Variants in THOP1 observed in about 807,000 individuals in gnomAD.
THOP1 encodes the protein thimet oligopeptidase.
THOP1 carries 49 observed loss-of-function variants against 71.8 expected under a neutral mutation model. The ratio of observed to expected loss-of-function variants is 0.68; its 90% CI spans 0.54 to 0.87. The LOEUF (loss-of-function observed/expected upper bound fraction) is 0.87. THOP1 is among the 40% of genes least tolerant of loss of function. The pLI is 0.00. For synonymous variants in THOP1, 426 were observed against 421.5 expected (o/e 1.01, Z -0.13); for missense variants, 843 against 975.6 (o/e 0.86, Z 1.81).
Position 2,785,675 on chromosome 19 carries a change from G to C in THOP1, c.13G>C (p.Ala5Pro). ...AGACCCACCCGCCATGAAGCCCCCC[G>C]CAGGTACCGACTACCCCGCTCGCCG... MKPP[A>P]ACAGDMADAA... Residue 5 changes from alanine (A) to proline (P), a missense_variant, in exon 1 of 13, where the codon GCA (alanine) becomes CCA (proline). Physicochemically the swap from Ala to Pro is conservative, Grantham distance 27. Transcript: ENST00000307741. The C allele has an allele frequency of 2.0e-6, 3 of 1,492,504 alleles. No individual in the cohort carries two copies. Among genetic ancestry groups the C allele is most frequent in the South Asian group, 1.3e-5 (1 of 76,008 alleles). The allele number at this position is 1,492,504 out of a possible 1,614,324, so 92.5% of individuals were successfully genotyped here. A position where few individuals can be genotyped will look rare whatever the true frequency, so the allele number is the denominator to read the frequency against.
intron 5 of THOP1, among the ~76,000 whole-genome samples, chr19:2,803,838 A>T (rs1916218068): frequency 6.6e-6 from 1 of 151,524 alleles, no homozygotes; most frequent in South Asian, 2.1e-4. Context: ...AATTTCCCCC[A>T]TCTGCCTCTG....
rs376107055 is a variant in THOP1 at position 2,809,058 on chromosome 19, GCTC to G, written c.1455+618_1455+620del. On this transcript the variant is annotated intron_variant, in intron 9 of 12. Coordinates refer to ENST00000307741, the MANE Select transcript of THOP1 (RefSeq NM_003249.5). The stretch of plus-strand genomic sequence containing the variant: ...CTGTCCTAGCACACAGTCAGCAATC[GCTC>G]CTCAGAAAGGCTCTGTCCTATGAAG... Among the ~76,000 whole-genome samples, 515 of 152,310 alleles carry G rather than the reference GCTC, an allele frequency of 3.4e-3. 2 individuals carry two copies. The highest frequency in any genetic ancestry group is 0.011 in the African/African-American group (477 of 41,576).
Position 2,813,083 on chromosome 19 carries a change from CA to C in THOP1, c.1909-31del, listed in dbSNP as rs371617470. 132 of 1,583,964 alleles carry C rather than the reference CA, an allele frequency of 8.3e-5. No individual in the cohort carries two copies. In the East Asian group the frequency reaches 1.5e-3, roughly 18 times the overall value. Reference sequence around the variant, plus strand: ...TCCTCTGCCTTCCTCCCTGGGTCCCCACCCGGCCACAGTGCCCTGTCTCCTC... The same window carrying C: ...TCCTCTGCCTTCCTCCCTGGGTCCCCCCCGGCCACAGTGCCCTGTCTCCTC... On this transcript the variant is annotated intron_variant, in intron 12 of 12. Coordinates refer to ENST00000307741, the MANE Select transcript of THOP1 (RefSeq NM_003249.5).
At position 2,813,272 on chromosome 19, in the gene THOP1, G is replaced by T. The variant is rs953847038; in HGVS notation, c.2066G>T (p.Cys689Phe). The T allele has an allele frequency of 1.2e-6, 2 of 1,608,398 alleles. No homozygotes were observed. The highest frequency in any genetic ancestry group is 2.7e-5 in the African/African-American group (2 of 74,858). ...VGGCEPEPQV[C>F] Reference sequence around the variant, plus strand: ...GGCTGCGAGCCCGAGCCGCAGGTCTGCTGAGGCCTGGCACTGCGACTGCCC... The same window carrying T: ...GGCTGCGAGCCCGAGCCGCAGGTCTTCTGAGGCCTGGCACTGCGACTGCCC... The change falls in exon 13 of 13, where the codon TGC (cysteine) becomes TTC (phenylalanine). Residue 689 changes from cysteine (C) to phenylalanine (F), a missense_variant. Cys to Phe is a radical substitution (Grantham distance 205). Transcript: ENST00000307741.
At chr19:2,789,340 G>A (rs1373429173) in intron 1 of THOP1, among the ~76,000 whole-genome samples, 1 of 152,208 alleles carries the variant, frequency 6.6e-6, no homozygotes. Context: ...GAGCCGCACT[G>A]ACTTCACATA....
chr19:2,796,274 A>G (rs1916011259), intron 4 of THOP1, 86 bp downstream of exon 4: 5 of 1,094,640 alleles, frequency 4.6e-6, no homozygotes, highest in South Asian at 4.2e-5. Context: ...AGTCCCAGGG[A>G]GTGGTGGGAG....
chr19:2,807,311 G>C, intron 7 of THOP1, 131 bp from the exon 8 acceptor site: 1 of 1,393,002 alleles, frequency 7.2e-7, no homozygotes, highest in East Asian at 2.5e-5. Context: ...GGCCCCTCGA[G>C]GGGTTGCCGG....
At chr19:2,793,833 A>G (rs1915944417) in intron 2 of THOP1, among the ~76,000 whole-genome samples, 1 of 152,112 alleles carries the variant, frequency 6.6e-6, no homozygotes. Flanking sequence ...TCCACTGGGC[A>G]GAGGCCACAT....
chr19:2,791,824 C>T (rs1326277263), intron 2 of THOP1, among the ~76,000 whole-genome samples: 1 of 152,220 alleles, frequency 6.6e-6, no homozygotes, highest in Non-Finnish European at 1.5e-5. Context: ...GGCCCCAGTG[C>T]TCCCCTCGGG....
At position 2,793,684 on chromosome 19, in the gene THOP1, C is replaced by T. The variant is rs115297728; in HGVS notation, c.230-1080C>T. 4.6e-3 allele frequency among the ~76,000 whole-genome samples: 697 copies of T among 152,140 alleles called. 12 individuals are homozygous for T. Among genetic ancestry groups the T allele is most frequent in the African/African-American group, 0.016 (667 of 41,496 alleles). ...CAGCTTGGGCAACAGAGTGACACTT[C>T]GTCTCAAAAAAAAACAAATGGCATC... On this transcript the variant is annotated intron_variant, in intron 2 of 12. Transcript: ENST00000307741.
In THOP1 at chr19:2,808,278, T is replaced by G; in HGVS notation, c.1289T>G (p.Leu430Arg). ...GKYGHAACFG[L>R]QPGCLRQDGS... ...TACGGGCACGCGGCCTGCTTTGGCCTGCAGCCCGGCTGCCTGCGGCAGGAT... is the reference window on the plus strand; with the variant it reads ...TACGGGCACGCGGCCTGCTTTGGCCGGCAGCCCGGCTGCCTGCGGCAGGAT... Residue 430 changes from leucine (L) to arginine (R), a missense_variant, in exon 9 of 13, where the codon CTG becomes CGG. Physicochemically the swap from Leu to Arg is moderately radical, Grantham distance 102. Coordinates refer to ENST00000307741, the MANE Select transcript of THOP1 (RefSeq NM_003249.5). 1.3e-6 allele frequency: 2 copies of G among 1,559,080 alleles called. No individual in the cohort carries two copies. Among genetic ancestry groups the G allele is most frequent in the Non-Finnish European group, 1.7e-6 (2 of 1,151,508 alleles).
Position 2,813,441 on chromosome 19 carries a change from C to A in THOP1, c.*165C>A. On this transcript the variant is annotated 3_prime_UTR_variant, in exon 13 of 13. Transcript: ENST00000307741. ...TGTCTGTCCCCACCCGGTCGTGGCC[C>A]ACCCGGCTAGAGACGGCGTCCTCAA... is the stretch of plus-strand genomic sequence containing the variant. 1 of 918,542 alleles carries A rather than the reference C, an allele frequency of 1.1e-6. No individual in the cohort carries two copies. Among genetic ancestry groups the A allele is most frequent in the Non-Finnish European group, 1.6e-6 (1 of 637,166 alleles). The allele number at this position is 918,542 out of a possible 1,614,324, so 56.9% of individuals were successfully genotyped here.
intron 7 of THOP1, 68 bp from the exon 8 acceptor site, chr19:2,807,364 CGCGGCCGCGG>C: frequency 1.4e-6 from 2 of 1,476,994 alleles, no homozygotes; most frequent in East Asian, 4.7e-5. Flanking sequence ...CTGACGAAGT[CGCGGCCGCGG>C]GCGGGCGAGC....
At chr19:2,811,993 G>T (rs374456543) in intron 12 of THOP1, 2 of 1,029,100 alleles carry the variant, frequency 1.9e-6, no homozygotes, top group Non-Finnish European at 2.7e-6. Flanking sequence ...GTCTTGGTGC[G>T]GTGCTGCCCA....
rs144495373 is a variant in THOP1, at chr19:2,798,907, T to C, written c.487-782T>C. ...AAGCCAGGTCCTTGTCACATAGTGGTCACCTCCCAGCCTTCAAGGCCACCA... is the reference window on the plus strand; with the variant it reads ...AAGCCAGGTCCTTGTCACATAGTGGCCACCTCCCAGCCTTCAAGGCCACCA... On this transcript the variant is annotated intron_variant, in intron 4 of 12. Transcript: ENST00000307741. Among the ~76,000 whole-genome samples, 6 of 152,354 alleles carry C rather than the reference T, an allele frequency of 3.9e-5. No homozygotes were observed. In the East Asian group the frequency reaches 1.2e-3, roughly 29 times the overall value.
chr19:2,796,218 G>A (rs559551026), intron 4 of THOP1, 30 bp downstream of exon 4: 19 of 1,551,030 alleles, frequency 1.2e-5, no homozygotes, highest in East Asian at 2.3e-5. Flanking sequence ...AGTGCTGGGC[G>A]TGGGCAATGG....
intron 4 of THOP1, among the ~76,000 whole-genome samples, chr19:2,797,305 C>A (rs973975947): frequency 1.3e-5 from 2 of 152,106 alleles, no homozygotes; most frequent in Admixed American, 1.3e-4. Context: ...TGTTTGCAGG[C>A]GAGCTGTTGG....
intron 12 of THOP1, chr19:2,812,065 T>G (rs2098913022): frequency 2.5e-6 from 3 of 1,215,272 alleles, no homozygotes; most frequent in Middle Eastern, 2.0e-4. Context: ...GGGCTGTGAG[T>G]GCTGGGAGCT....
rs1289537813 is a variant in THOP1, at chr19:2,810,788, G to C, written c.1771+20G>C. 13 of 1,593,638 alleles carry C rather than the reference G, an allele frequency of 8.2e-6. No homozygotes were observed. Among genetic ancestry groups the C allele is most frequent in the African/African-American group, 1.3e-5 (1 of 74,752 alleles). The stretch of plus-strand genomic sequence containing the variant: ...CGCCAGGTAGCCACCCTTGAGCCGG[G>C]CACACCCTGGAATTTGGAGCCTCAG... On this transcript the variant is annotated intron_variant, in intron 11 of 12. Transcript: ENST00000307741.
Sources: gnomAD v4.1 joint callset for allele counts (sites outside exome capture counted in the v4.1 genomes callset) on GRCh38, gnomAD v4.1.1 for gene constraint, MANE v1.5 for transcripts, NCBI Gene and HGNC (gene_info 2026-07-23, HGNC 2026-07-21) for gene names.